TPR: variants seen among roughly 807,000 people sequenced by gnomAD.
The protein encoded by TPR is nucleoprotein TPR.
A neutral mutation model predicts 316.1 loss-of-function variants in TPR; 51 were observed. The observed-to-expected ratio is 0.16, with a 90% CI of 0.13 to 0.20. The LOEUF (loss-of-function observed/expected upper bound fraction) is 0.20. Ranked by LOEUF, TPR falls within the 10% of genes least tolerant of loss-of-function variation. The pLI is 1.00. For missense variants in TPR, 2,272 were observed against 2,754.8 expected (o/e 0.82, Z 3.92); for synonymous variants, 981 against 914.7 (o/e 1.07, Z -1.31).
intron 9 of TPR, among the ~76,000 whole-genome samples, 198 bp downstream of exon 9, chr1:186,361,424 G>GT (rs1659184822): frequency 6.6e-6 from 1 of 151,836 alleles, no homozygotes; most frequent in Non-Finnish European, 1.5e-5. Context: ...CCTGCTGTCT[G>GT]TATTTTCAAA....
intron 13 of TPR, 61 bp downstream of exon 13, chr1:186,358,482 T>C (rs1659090646): frequency 7.6e-7 from 1 of 1,317,028 alleles, no homozygotes; most frequent in Admixed American, 1.9e-5. Flanking sequence ...TTCAAACAGA[T>C]TCAAAGATTA....
chr1:186,357,602 G>A lies in TPR; in HGVS notation c.1519C>T (p.Leu507Phe). ...SQQIRVLLME[L>F]EEARGNHVIR... ...ACGTGGTTACCCCTTGCTTCTTCAA[G>A]TTCCATCAAAAGCACTCTAATCTAA... is the stretch of plus-strand genomic sequence containing the variant. Residue 507 changes from leucine to phenylalanine, a missense_variant, in exon 14 of 51, where the codon CTT becomes TTT. Around this residue, in one of 10 missense-constraint regions of TPR, gnomAD observed 549 missense variants for 598.6 expected, o/e 0.92. Coordinates refer to ENST00000367478, the MANE Select transcript of TPR (RefSeq NM_003292.3). 6.2e-7 allele frequency: 1 copy of A among 1,613,496 alleles called. No individual in the cohort carries two copies.
At position 186,346,189 on chromosome 1, in the gene TPR, T is replaced by C. The variant is rs752238861; in HGVS notation, c.3042A>G (p.Glu1014=). The part of the protein sequence containing the change: ...LEKKLMEVEK[E]KQELQDDKRR... The stretch of plus-strand genomic sequence containing the variant: ...TTTTATCATCCTGAAGTTCTTGTTT[T>C]TCCTTCTCTACTTCCATCAACTTCT... The change falls in exon 23 of 51, where the codon GAA becomes GAG. Residue 1014 remains glutamate (E), a synonymous_variant. Coordinates refer to ENST00000367478, the MANE Select transcript of TPR (RefSeq NM_003292.3). 6.2e-7 allele frequency: 1 copy of C among 1,613,450 alleles called. No individual in the cohort carries two copies. The highest frequency in any genetic ancestry group is 1.3e-5 in the African/African-American group (1 of 75,042).
In TPR at chr1:186,330,545, A is replaced by G. The variant is rs1251103844; in HGVS notation, c.5688+953T>C. Among the ~76,000 whole-genome samples, 18 of 152,036 alleles carry G rather than the reference A, an allele frequency of 1.2e-4. 1 individual carries two copies. The highest frequency in any genetic ancestry group is 1.2e-3 in the Admixed American group (18 of 15,238). ...CATGGGATGTATATTATATATATTTACCTACTGTTTATATGCTCAGTTCCC... is the reference window on the plus strand; with the variant it reads ...CATGGGATGTATATTATATATATTTGCCTACTGTTTATATGCTCAGTTCCC... On this transcript the variant is annotated intron_variant, in intron 39 of 50. Coordinates refer to ENST00000367478, the MANE Select transcript of TPR (RefSeq NM_003292.3).
At chr1:186,315,071 G>T (rs1657556867) in intron 49 of TPR, among the ~76,000 whole-genome samples, 1 of 151,904 alleles carries the variant, frequency 6.6e-6, no homozygotes, top group East Asian at 1.9e-4. Flanking sequence ...AGGAGGCTGA[G>T]GCTAGAGGAT....
At chr1:186,360,952 T>C in intron 9 of TPR, 47 bp from the exon 10 acceptor site, 1 of 1,579,092 alleles carries the variant, frequency 6.3e-7, no homozygotes, top group Non-Finnish European at 8.6e-7. Context: ...ACAGTTAAAA[T>C]TTTAGTTTAC....
intron 1 of TPR, among the ~76,000 whole-genome samples, chr1:186,373,672 TAA>T (rs1558045582): frequency 6.6e-6 from 1 of 151,926 alleles, no homozygotes; most frequent in Non-Finnish European, 1.5e-5. Flanking sequence ...TGACAAAAAA[TAA>T]AAAATAAAAA....
At position 186,353,665 on chromosome 1, in the gene TPR, TGGACA is replaced by T; in HGVS notation, c.2334+18_2334+22del. The T allele has an allele frequency of 6.3e-7, 1 of 1,596,500 alleles. No homozygotes were observed. Among genetic ancestry groups the T allele is most frequent in the Non-Finnish European group, 8.5e-7 (1 of 1,173,422 alleles). On this transcript the variant is annotated intron_variant, in intron 18 of 50. Coordinates refer to ENST00000367478, the MANE Select transcript of TPR (RefSeq NM_003292.3). Reference sequence around the variant, plus strand: ...GTCAAATGCAACTTATAATGCAAGTTGGACAAGGGATATTGGACTCACTTCTGCGA... The same window carrying T: ...GTCAAATGCAACTTATAATGCAAGTTAGGGATATTGGACTCACTTCTGCGA...
intron 33 of TPR, 29 bp downstream of exon 33, chr1:186,336,466 AC>A (rs1396007578): frequency 3.7e-6 from 6 of 1,608,836 alleles, no homozygotes; most frequent in Non-Finnish European, 5.1e-6. Flanking sequence ...AACTTTCACT[AC>A]CAAGTTCAAA....
At chr1:186,361,937 G>A (rs1659204385) in intron 7 of TPR, 68 bp from the exon 8 acceptor site, 1 of 1,483,260 alleles carries the variant, frequency 6.7e-7, no homozygotes, top group African/African-American at 1.4e-5. Flanking sequence ...CAAATGACAA[G>A]ATGAAAAATT....
intron 42 of TPR, 27 bp downstream of exon 42, chr1:186,325,737 T>C: frequency 6.3e-7 from 1 of 1,585,812 alleles, no homozygotes; most frequent in Non-Finnish European, 8.6e-7. Flanking sequence ...AGATATTCAA[T>C]TCAAAAAAGG....
At chr1:186,339,957 C>T (rs11799843) in intron 29 of TPR, among the ~76,000 whole-genome samples, 185 bp from the exon 30 acceptor site, 13,537 of 151,410 alleles carry the variant, frequency 0.089, 951 homozygotes, top group East Asian at 0.38. Flanking sequence ...AGTCTACCCA[C>T]AATACAAGAG....
chr1:186,314,753 G>C, intron 49 of TPR, 29 bp from the exon 50 acceptor site: 1 of 1,495,850 alleles, frequency 6.7e-7, no homozygotes, highest in Non-Finnish European at 9.2e-7. Flanking sequence ...TAAAAGAAAA[G>C]CAAGTGAAAA....
At chr1:186,362,435 C>A in intron 6 of TPR, 55 bp from the exon 7 acceptor site, 1 of 1,390,788 alleles carries the variant, frequency 7.2e-7, no homozygotes, top group Non-Finnish European at 1.0e-6. Context: ...TGAAATTACT[C>A]TGACATGAGG....
chr1:186,360,464 G>T, intron 10 of TPR, 100 bp from the exon 11 acceptor site: 1 of 1,215,948 alleles, frequency 8.2e-7, no homozygotes, highest in Non-Finnish European at 1.1e-6. Context: ...ACATTATATA[G>T]TAATTCCTAT....
chr1:186,335,538 T>G lies in TPR; in HGVS notation c.4711A>C (p.Lys1571Gln). Residue 1571 changes from lysine to glutamine, a missense_variant, in exon 34 of 51, where the codon AAA becomes CAA. Lys to Gln is a moderately conservative substitution (Grantham distance 53). Around this residue, in one of 10 missense-constraint regions of TPR, gnomAD observed 109 missense variants for 215.3 expected, o/e 0.51. Transcript: ENST00000367478. ...TCATTTTCTTTAGTTAGCTGATCTT[T>G]TACACCTAAAGAAGTAACCAGGCGA... Reference protein sequence around the residue: ...KSKIAHLAGVKDQLTKENEEL... With the variant: ...KSKIAHLAGVQDQLTKENEEL... The G allele has an allele frequency of 1.9e-6, 3 of 1,596,828 alleles. No homozygotes were observed. Among genetic ancestry groups the G allele is most frequent in the Non-Finnish European group, 2.6e-6 (3 of 1,173,856 alleles).
rs753335343 is a variant in TPR at position 186,353,694 on chromosome 1, G to A, written c.2328C>T (p.Val776=). The change falls in exon 18 of 51, where the codon GTC becomes GTT. Residue 776 remains valine, a synonymous_variant. Transcript: ENST00000367478. ...DLRGANEKLA[V]AEVRAENLKK... ...CAAGGGATATTGGACTCACTTCTGCGACAGCTAGCTTCTCATTTGCTCCTC... is the reference window on the plus strand; with the variant it reads ...CAAGGGATATTGGACTCACTTCTGCAACAGCTAGCTTCTCATTTGCTCCTC... 1.2e-5 allele frequency: 19 copies of A among 1,613,318 alleles called. No homozygotes were observed. The East Asian group carries it at 1.8e-4, about 15-fold the overall frequency.
At chr1:186,343,841 T>C (rs1658592819) in intron 26 of TPR, 65 bp downstream of exon 26, 33 of 1,333,696 alleles carry the variant, frequency 2.5e-5, no homozygotes, top group Non-Finnish European at 3.2e-5. Flanking sequence ...CTCTAATTTA[T>C]ATATTTGTAG....
intron 17 of TPR, among the ~76,000 whole-genome samples, chr1:186,354,767 A>C (rs910640899): frequency 1.3e-5 from 2 of 152,208 alleles, no homozygotes; most frequent in Non-Finnish European, 2.9e-5. Flanking sequence ...AGAATAGAAA[A>C]GGTGGAATAA....
Sources: allele counts gnomAD v4.1 joint callset (sites outside exome capture counted in the v4.1 genomes callset), GRCh38; gene constraint gnomAD v4.1.1; regional missense constraint gnomAD v4.1.1; transcripts MANE v1.5; gene names NCBI Gene and HGNC (gene_info 2026-07-23, HGNC 2026-07-21).